Variants in CUX1 observed in about 807,000 individuals in gnomAD.
CUX1 encodes the protein cut like homeobox 1.
Under a neutral mutation model 158.8 loss-of-function variants are expected in CUX1, and 31 were observed. The observed-to-expected ratio is 0.20, with a 90% confidence interval of 0.15 to 0.26. The LOEUF (loss-of-function observed/expected upper bound fraction) is 0.26, where lower values mean the gene tolerates loss of function less well. CUX1 is among the 10% of genes least tolerant of loss of function. The probability of loss-of-function intolerance (pLI) is 1.00; values close to 1 mark genes in which losing one functional copy is unlikely to be tolerated. For missense variants in CUX1, 1,589 were observed against 2,014.6 expected (o/e 0.79, Z 4.04); for synonymous variants, 879 against 862.1 (o/e 1.02, Z -0.34).
At chr7:102,094,508 G>A (rs372242283) in intron 4 of CUX1, among the ~76,000 whole-genome samples, 11 of 152,272 alleles carry the variant, frequency 7.2e-5, no homozygotes, top group African/African-American at 2.4e-4. Context: ...ATATGTCACC[G>A]GATTCCTTGC....
At chr7:101,860,773 CTT>C (rs2131357523) in intron 1 of CUX1, among the ~76,000 whole-genome samples, 1 of 132,950 alleles carries the variant, frequency 7.5e-6, no homozygotes, top group East Asian at 2.2e-4. Context: ...TCCTTCCTTC[CTT>C]CCTTCCTTCC....
intron 2 of CUX1, among the ~76,000 whole-genome samples, chr7:101,939,127 G>A (rs1807386569): frequency 8.7e-6 from 1 of 115,090 alleles, no homozygotes; most frequent in Non-Finnish European, 1.7e-5. Flanking sequence ...TGGTTCCACT[G>A]TCCCCCCTAT....
intron 20 of CUX1, among the ~76,000 whole-genome samples, chr7:102,212,232 G>GT (rs1796608592): frequency 6.6e-6 from 1 of 152,198 alleles, no homozygotes; most frequent in East Asian, 1.9e-4. Context: ...ATCCTGCACA[G>GT]ATGTCAGGGG....
chr7:102,168,643 CAAAAA>C (rs1167424159), intron 9 of CUX1, among the ~76,000 whole-genome samples: 1 of 75,634 alleles, frequency 1.3e-5, no homozygotes, highest in African/African-American at 5.0e-5. Context: ...GGCTCTGTCT[CAAAAA>C]AAAAAAAAAA....
At position 102,111,861 on chromosome 7, in the gene CUX1, G is replaced by A. The variant is rs946272273; in HGVS notation, c.607+87G>A. On this transcript the variant is annotated intron_variant, in intron 7 of 23. Transcript: ENST00000292535. ...AGCCCCTGACCGCCCCGGTCCCCGC[G>A]GATACCTGTTGCTCTTCGGGGCCGT... The A allele has an allele frequency of 4.1e-6, 5 of 1,214,626 alleles. No homozygotes were observed. The African/African-American group carries it at 6.0e-5, about 14-fold the overall frequency. 75.2% of individuals were successfully genotyped at this position (1,214,626 alleles called of 1,614,324 possible).
chr7:102,150,180 G>A (rs1554503214), intron 8 of CUX1, among the ~76,000 whole-genome samples: 1 of 152,150 alleles, frequency 6.6e-6, no homozygotes. Context: ...GTTTGAGACA[G>A]GGTCTCGCTC....
intron 2 of CUX1, among the ~76,000 whole-genome samples, chr7:101,953,716 G>A (rs989111563): frequency 4.6e-5 from 7 of 152,154 alleles, no homozygotes; most frequent in African/African-American, 9.7e-5. Flanking sequence ...TCAGGCCCGT[G>A]CCAGGACACA....
At chr7:101,854,093 G>C (rs1796549713) in intron 1 of CUX1, among the ~76,000 whole-genome samples, 2 of 152,144 alleles carry the variant, frequency 1.3e-5, no homozygotes, top group Admixed American at 1.3e-4. Flanking sequence ...TTGCTTTCCT[G>C]TCCTCTTTGT....
At chr7:101,827,770 A>G (rs1035831680) in intron 1 of CUX1, among the ~76,000 whole-genome samples, 8 of 152,194 alleles carry the variant, frequency 5.3e-5, no homozygotes, top group Admixed American at 4.6e-4. Context: ...TGTTATTAAG[A>G]AAGTTGTAAG....
At chr7:102,080,527 G>A (rs1240018630) in intron 4 of CUX1, among the ~76,000 whole-genome samples, 1 of 152,126 alleles carries the variant, frequency 6.6e-6, no homozygotes, top group East Asian at 1.9e-4. Context: ...TCATCCTCAG[G>A]CTGGTGGCAG....
chr7:102,232,359 A>G (rs1198736040), intron 21 of CUX1, among the ~76,000 whole-genome samples: 1 of 152,124 alleles, frequency 6.6e-6, no homozygotes, highest in African/African-American at 2.4e-5. Flanking sequence ...TTAATGTCTC[A>G]GCTTCAGTGC....
intron 3 of CUX1, among the ~76,000 whole-genome samples, chr7:102,062,348 C>T (rs981223920): frequency 6.6e-6 from 1 of 152,100 alleles, no homozygotes; most frequent in Admixed American, 6.5e-5. Flanking sequence ...ACAGCACAGC[C>T]GTGCTGGCAC....
intron 8 of CUX1, among the ~76,000 whole-genome samples, chr7:102,148,860 A>G (rs1237746939): frequency 6.7e-6 from 1 of 150,094 alleles, no homozygotes; most frequent in Non-Finnish European, 1.5e-5. Flanking sequence ...CTTTCCCCGC[A>G]AGTCCCCAGA....
rs147841318 is a variant in CUX1, at chr7:102,234,266, C to T, written c.3622+26C>T. 593 of 1,484,348 alleles carry T rather than the reference C, an allele frequency of 4.0e-4. 1 individual carries two copies. In the African/African-American group the frequency reaches 7.5e-3, roughly 19 times the overall value. The allele number at this position is 1,484,348 out of a possible 1,614,324, so 91.9% of individuals were successfully genotyped here. A position where few individuals can be genotyped will look rare whatever the true frequency, so the allele number is the denominator to read the frequency against. Reference sequence around the variant, plus strand: ...GTAAGTCTCCCTGCCCCGCCCGGGCCGGCTGCGTCCGCATTCATAGACAGG... The same window carrying T: ...GTAAGTCTCCCTGCCCCGCCCGGGCTGGCTGCGTCCGCATTCATAGACAGG... On this transcript the variant is annotated intron_variant, in intron 22 of 23. Transcript: ENST00000292535.
chr7:102,170,119 A>G (rs1791544836), intron 9 of CUX1, among the ~76,000 whole-genome samples: 1 of 152,238 alleles, frequency 6.6e-6, no homozygotes. Flanking sequence ...GTCTATGAGA[A>G]TAGAAAGAAA....
rs781868933 is a variant in CUX1 at position 102,198,784 on chromosome 7, A to G, written c.1895-18A>G. On this transcript the variant is annotated intron_variant, in intron 15 of 23. Transcript: ENST00000292535. The stretch of plus-strand genomic sequence containing the variant: ...TTCCCCTGATTGTTTTGTTCTTACC[A>G]CACTTGTTTTTCAACAGAGAATCCA... 3.7e-6 allele frequency: 6 copies of G among 1,611,954 alleles called. No homozygotes were observed. Among genetic ancestry groups the G allele is most frequent in the Non-Finnish European group, 5.1e-6 (6 of 1,178,018 alleles).
chr7:101,886,460 CA>C (rs1193205665), intron 1 of CUX1, among the ~76,000 whole-genome samples: 1 of 152,154 alleles, frequency 6.6e-6, no homozygotes, highest in Non-Finnish European at 1.5e-5. Flanking sequence ...CATGGCTTCC[CA>C]AAGTATTGGG....
chr7:101,819,362 CG>C (rs1584631336), intron 1 of CUX1, among the ~76,000 whole-genome samples: 1 of 152,158 alleles, frequency 6.6e-6, no homozygotes, highest in South Asian at 2.1e-4. Flanking sequence ...CTCTTTGGGA[CG>C]GGGCCCGCCA....
At chr7:102,147,795 G>A (rs562106516) in intron 8 of CUX1, among the ~76,000 whole-genome samples, 38 of 152,048 alleles carry the variant, frequency 2.5e-4, no homozygotes, top group Admixed American at 5.9e-4. Context: ...TCAGGAGTTC[G>A]AGACCAGCCT....
Sources: allele counts gnomAD v4.1 joint callset (sites outside exome capture counted in the v4.1 genomes callset), GRCh38; gene constraint gnomAD v4.1.1; transcripts MANE v1.5; gene names NCBI Gene and HGNC (gene_info 2026-07-23, HGNC 2026-07-21).